The following ERAP2 variants were observed in gnomAD, a reference collection of about 807,000 sequenced individuals.
ERAP2 encodes leukocyte-derived arginine aminopeptidase.
In ERAP2, 118 loss-of-function variants were observed where a neutral mutation model predicts 111.1. The ratio of observed to expected loss-of-function variants is 1.06; its 90% CI spans 0.92 to 1.24. ERAP2 has a LOEUF of 1.24. Ranked by LOEUF, ERAP2 falls within the 50% of genes most tolerant of loss-of-function variation. The pLI is 0.00. For synonymous variants in ERAP2, 410 were observed against 401.2 expected (o/e 1.02, Z -0.26); for missense variants, 1,131 against 1,125.8 (o/e 1.00, Z -0.07).
chr5:96,883,436 C>T (rs1166570537), intron 2 of ERAP2, among the ~76,000 whole-genome samples: 1 of 152,122 alleles, frequency 6.6e-6, no homozygotes, highest in Non-Finnish European at 1.5e-5. Context: ...CATTTAATTT[C>T]CTAGTGAATT....
intron 2 of ERAP2, among the ~76,000 whole-genome samples, chr5:96,882,479 T>G (rs1458571210): frequency 6.6e-6 from 1 of 152,230 alleles, no homozygotes; most frequent in Non-Finnish European, 1.5e-5. Context: ...CAATGTCAAT[T>G]GAATCTTATG....
chr5:96,896,636 TCA>T (rs200093446), intron 8 of ERAP2, 94 bp from the exon 9 acceptor site: 5 of 1,425,628 alleles, frequency 3.5e-6, no homozygotes, highest in Non-Finnish European at 3.7e-6. Context: ...TTTTCAGACA[TCA>T]CACATGTTCC....
intron 1 of ERAP2, among the ~76,000 whole-genome samples, chr5:96,876,875 G>T (rs972959755): frequency 1.3e-5 from 2 of 152,184 alleles, no homozygotes; most frequent in Non-Finnish European, 2.9e-5. Flanking sequence ...AGGGCAAAGA[G>T]CTATGTTTTA....
At chr5:96,905,427 T>C (rs1389515909) in intron 13 of ERAP2, among the ~76,000 whole-genome samples, 2 of 152,256 alleles carry the variant, frequency 1.3e-5, no homozygotes, top group African/African-American at 4.8e-5. Context: ...CTAGTTGTTC[T>C]GAAATTTGTT....
intron 5 of ERAP2, among the ~76,000 whole-genome samples, chr5:96,890,770 C>G (rs1784260096): frequency 6.6e-6 from 1 of 152,178 alleles, no homozygotes; most frequent in African/African-American, 2.4e-5. Flanking sequence ...GAGTCTTACT[C>G]TGCTATTATT....
chr5:96,915,956 C>T, intron 18 of ERAP2, 187 bp downstream of exon 18: 1 of 465,590 alleles, frequency 2.1e-6, no homozygotes, highest in East Asian at 4.0e-5. Context: ...GGCACAGTGG[C>T]TCACACCTGT....
intron 9 of ERAP2, 102 bp downstream of exon 9, chr5:96,896,965 T>TAAGTCATATGTTGGGTAACAATAGACTG: frequency 8.1e-6 from 8 of 987,682 alleles, no homozygotes; most frequent in Non-Finnish European, 1.1e-5. Context: ...GTCAACCATA[T>TAAGTCATATGTTGGGTAACAATAGACTG]TTATTCTGCT....
chr5:96,916,014 A>C (rs1787333801), intron 18 of ERAP2, among the ~76,000 whole-genome samples: 1 of 152,150 alleles, frequency 6.6e-6, no homozygotes, highest in Non-Finnish European at 1.5e-5. Context: ...TGGGGTCAGG[A>C]GTTCGAGACC....
At chr5:96,906,752 T>A (rs968130959) in intron 13 of ERAP2, among the ~76,000 whole-genome samples, 1 of 152,140 alleles carries the variant, frequency 6.6e-6, no homozygotes, top group African/African-American at 2.4e-5. Flanking sequence ...AAACCCCACA[T>A]TGGGCGCAGT....
chr5:96,898,917 CAT>C (rs1289066209), intron 9 of ERAP2, among the ~76,000 whole-genome samples: 2 of 151,886 alleles, frequency 1.3e-5, no homozygotes, highest in African/African-American at 4.8e-5. Flanking sequence ...TCTCCCTTGC[CAT>C]GTGTGTGTGC....
Position 96,895,315 on chromosome 5 carries a change from A to G in ERAP2, c.1195A>G (p.Met399Val). 2 of 1,612,984 alleles carry G rather than the reference A, an allele frequency of 1.2e-6. No individual in the cohort carries two copies. Among genetic ancestry groups the G allele is most frequent in the Non-Finnish European group, 1.7e-6 (2 of 1,179,344 alleles). ...IWLKEGFAKY[M>V]ELIAVNATYP... ...GCTTAAGGAGGGTTTTGCAAAATAC[A>G]TGGAACTTATCGCTGTTAATGCTAC... Residue 399 changes from methionine (M) to valine (V), a missense_variant, in exon 7 of 19, where the codon ATG (methionine) becomes GTG (valine). Around this residue, in one of 3 missense-constraint regions of ERAP2, gnomAD observed 847 missense variants for 856.5 expected, o/e 0.99. Coordinates refer to ENST00000437043, the MANE Select transcript of ERAP2 (RefSeq NM_022350.5).
chr5:96,887,891 G>A (rs888538002), intron 4 of ERAP2, among the ~76,000 whole-genome samples: 1 of 152,010 alleles, frequency 6.6e-6, no homozygotes, highest in African/African-American at 2.4e-5. Context: ...TTTGGGAGGC[G>A]GAGGCTGGCA....
intron 9 of ERAP2, 103 bp downstream of exon 9, chr5:96,896,966 T>TAGTCA: frequency 4.5e-6 from 2 of 441,178 alleles, no homozygotes; most frequent in South Asian, 6.0e-5. Context: ...TCAACCATAT[T>TAGTCA]TATTCTGCTT....
rs1181188487 is a variant in ERAP2 at position 96,876,537 on chromosome 5, C to G, written c.-123+10C>G. 1 of 152,252 alleles carries G rather than the reference C, an allele frequency of 6.6e-6. No individual in the cohort carries two copies. Among genetic ancestry groups the G allele is most frequent in the Non-Finnish European group, 1.5e-5 (1 of 68,024 alleles). 9.4% of individuals were successfully genotyped at this position (152,252 alleles called of 1,614,324 possible). On this transcript the variant is annotated intron_variant, in intron 1 of 18. Transcript: ENST00000437043. ...AGCAGCATGATTTAAGGTAACGTAT[C>G]AACATTTCTCTTGGGTTTGTCTTAA...
intron 5 of ERAP2, among the ~76,000 whole-genome samples, chr5:96,889,831 TACACACAC>T (rs58154009): frequency 0.39 from 58,041 of 148,642 alleles, 11,402 homozygotes; most frequent in East Asian, 0.46. Context: ...AAAAAATACA[TACACACAC>T]ACACACACAC....
chr5:96,877,116 G>A (rs1489917233), intron 1 of ERAP2, among the ~76,000 whole-genome samples: 3 of 151,982 alleles, frequency 2.0e-5, no homozygotes, highest in African/African-American at 4.8e-5. Flanking sequence ...CTAGGACTAC[G>A]GGCATGTGCC....
chr5:96,897,702 T>C (rs1330622771), intron 9 of ERAP2, among the ~76,000 whole-genome samples: 1 of 152,200 alleles, frequency 6.6e-6, no homozygotes, highest in Non-Finnish European at 1.5e-5. Context: ...ATGATTCTAA[T>C]AATTATTAAA....
intron 3 of ERAP2, among the ~76,000 whole-genome samples, chr5:96,886,345 AATT>A (rs1272903210): frequency 6.6e-6 from 1 of 152,254 alleles, no homozygotes; most frequent in Non-Finnish European, 1.5e-5. Flanking sequence ...CAGTGTTGGA[AATT>A]ATTGCATTTT....
At chr5:96,899,882 T>C (rs1785267472) in intron 9 of ERAP2, among the ~76,000 whole-genome samples, 1 of 152,248 alleles carries the variant, frequency 6.6e-6, no homozygotes, top group African/African-American at 2.4e-5. Context: ...AATGACTTTA[T>C]TGAACTTTTT....
Sources: gnomAD v4.1 joint callset for allele counts (sites outside exome capture counted in the v4.1 genomes callset) on GRCh38, gnomAD v4.1.1 for gene constraint, gnomAD v4.1.1 regional missense constraint, MANE v1.5 for transcripts, NCBI Gene and HGNC (gene_info 2026-07-23, HGNC 2026-07-21) for gene names.